The following PCDHGA9 variants were observed in gnomAD, a reference collection of about 807,000 sequenced individuals.
The protein encoded by PCDHGA9 is protocadherin gamma subfamily A, 9.
Under a neutral mutation model 62.5 loss-of-function variants are expected in PCDHGA9, and 37 were observed. The ratio of observed to expected loss-of-function variants is 0.59; its 90% CI spans 0.46 to 0.78. The LOEUF (loss-of-function observed/expected upper bound fraction) is 0.78, where lower values mean the gene tolerates loss of function less well. Among genes scored for constraint, PCDHGA9 ranks in the 30% least tolerant of loss-of-function variants. The pLI is 0.00. For synonymous variants in PCDHGA9, 459 were observed against 484.6 expected (o/e 0.95, Z 0.69); for missense variants, 1,138 against 1,166.2 (o/e 0.98, Z 0.35).
intron 1 of PCDHGA9, chr5:141,422,123 C>A: frequency 6.2e-7 from 1 of 1,601,290 alleles, no homozygotes; most frequent in South Asian, 1.1e-5. Context: ...GATTCACAAA[C>A]TGGAGAAGTT....
At position 141,486,254 on chromosome 5, in the gene PCDHGA9, G is replaced by A. The variant is rs2099626723; in HGVS notation, c.2425-8553G>A. ...GACCTCAGAGCTTGGAACCCTCCCCGAGAGTGCAGAACCTGGCACTGTGGT... is the reference window on the plus strand; with the variant it reads ...GACCTCAGAGCTTGGAACCCTCCCCAAGAGTGCAGAACCTGGCACTGTGGT... On this transcript the variant is annotated intron_variant, in intron 1 of 3. Transcript: ENST00000573521. This position sits in a 1 kb window ranked among gnomAD's most constrained non-coding sequence, Gnocchi z 5.0. The A allele has an allele frequency of 1.2e-6, 2 of 1,613,992 alleles. No individual in the cohort carries two copies. Among genetic ancestry groups the A allele is most frequent in the Non-Finnish European group, 1.7e-6 (2 of 1,179,982 alleles).
rs369791160 is a variant in PCDHGA9 at position 141,431,269 on chromosome 5, C to G, written c.2424+25893C>G. On this transcript the variant is annotated intron_variant, in intron 1 of 3. Transcript: ENST00000573521. This position sits in a 1 kb window ranked among gnomAD's most constrained non-coding sequence, Gnocchi z 4.8. ...TCGGGAAGAACTCTCTGCAGAGCTA[C>G]GAGCTCAGCCCGAACACTCACTTCT... 1.4e-5 allele frequency: 22 copies of G among 1,614,034 alleles called. No individual in the cohort carries two copies. The highest frequency in any genetic ancestry group is 2.7e-5 in the African/African-American group (2 of 74,954).
At chr5:141,453,464 C>A (rs186131587) in intron 1 of PCDHGA9, among the ~76,000 whole-genome samples, 16 of 152,090 alleles carry the variant, frequency 1.1e-4, no homozygotes, top group Non-Finnish European at 1.9e-4. Flanking sequence ...AAAACATTAA[C>A]ATAAAGTCAA....
chr5:141,501,945 T>C (rs1318749969), intron 2 of PCDHGA9, among the ~76,000 whole-genome samples: 1 of 152,106 alleles, frequency 6.6e-6, no homozygotes, highest in Non-Finnish European at 1.5e-5. Context: ...CACTGCTCCC[T>C]GTGACAGGTC....
intron 2 of PCDHGA9, among the ~76,000 whole-genome samples, chr5:141,498,956 AGAGG>A (rs1198207839): frequency 1.1e-4 from 14 of 124,162 alleles, no homozygotes; most frequent in East Asian, 2.7e-4. Context: ...AAAAAGAGAG[AGAGG>A]GAGGGAGGGA....
intron 1 of PCDHGA9, among the ~76,000 whole-genome samples, chr5:141,446,482 C>CT (rs112180482): frequency 6.3e-4 from 92 of 147,004 alleles, no homozygotes; most frequent in East Asian, 4.0e-3. Context: ...GGTCATCATT[C>CT]TTTTTTTTTT....
intron 1 of PCDHGA9, among the ~76,000 whole-genome samples, chr5:141,464,442 G>A (rs890758574): frequency 3.3e-5 from 5 of 151,500 alleles, no homozygotes; most frequent in African/African-American, 1.2e-4. Flanking sequence ...TATGTTTGTT[G>A]TTGTTGTTGT....
At chr5:141,410,668 T>C in intron 1 of PCDHGA9, 2 of 1,565,640 alleles carry the variant, frequency 1.3e-6, no homozygotes, top group African/African-American at 2.7e-5. Context: ...TCTACTAGTT[T>C]CTCATATTTT....
chr5:141,441,136 GA>G (rs1379465827), intron 1 of PCDHGA9: 2 of 152,304 alleles, frequency 1.3e-5, no homozygotes, highest in Middle Eastern at 3.4e-3. Flanking sequence ...CGAATTTCTA[GA>G]AGATAATGAC....
At chr5:141,502,191 A>G (rs2099813218) in intron 2 of PCDHGA9, among the ~76,000 whole-genome samples, 1 of 152,170 alleles carries the variant, frequency 6.6e-6, no homozygotes, top group Non-Finnish European at 1.5e-5. Flanking sequence ...TAATACAATA[A>G]TATAGAATCC....
chr5:141,491,901 G>C lies in PCDHGA9; in HGVS notation c.2425-2906G>C, dbSNP rs1196717010. 1 of 1,429,696 alleles carries C rather than the reference G, an allele frequency of 7.0e-7. No homozygotes were observed. The highest frequency in any genetic ancestry group is 9.3e-7 in the Non-Finnish European group (1 of 1,080,148). 88.6% of individuals were successfully genotyped at this position (1,429,696 alleles called of 1,614,324 possible). ...AAGGGATGGGGCTCCGAGCACCGGG[G>C]GTGGTGGCGACTGTGGGCGAGGGGA... On this transcript the variant is annotated intron_variant, in intron 1 of 3. Transcript: ENST00000573521. The surrounding 1 kb of genome is among the most constrained non-coding windows in gnomAD (Gnocchi z 6.9).
In PCDHGA9 at chr5:141,491,511, C is replaced by G. The variant is rs777448782; in HGVS notation, c.2425-3296C>G. 6.2e-7 allele frequency: 1 copy of G among 1,614,080 alleles called. No individual in the cohort carries two copies. The highest frequency in any genetic ancestry group is 8.5e-7 in the Non-Finnish European group (1 of 1,180,018). ...TGCAGGTGAGCTCGGACGGCACGCT[C>G]AAGTACATGGAGGTGACGCTGCGGC... On this transcript the variant is annotated intron_variant, in intron 1 of 3. Transcript: ENST00000573521. This position sits in a 1 kb window ranked among gnomAD's most constrained non-coding sequence, Gnocchi z 6.9.
chr5:141,409,914 G>T lies in PCDHGA9; in HGVS notation c.2424+4538G>T, dbSNP rs772848211. 58 of 1,613,230 alleles carry T rather than the reference G, an allele frequency of 3.6e-5. No homozygotes were observed. In the East Asian group the frequency reaches 1.2e-3, roughly 35 times the overall value. On this transcript the variant is annotated intron_variant, in intron 1 of 3. Transcript: ENST00000573521. ...CTGTACCCAGCTCTGGGTCCTGACGGCTCCGCGTTCTTCGATATGGTACCT... is the reference window on the plus strand; with the variant it reads ...CTGTACCCAGCTCTGGGTCCTGACGTCTCCGCGTTCTTCGATATGGTACCT...
chr5:141,432,172 CGTCTCTGTGACCGCCCACGACCCCGA>C lies in PCDHGA9; in HGVS notation c.2424+26797_2424+26822del. 6.2e-7 allele frequency: 1 copy of C among 1,614,152 alleles called. No individual in the cohort carries two copies. Among genetic ancestry groups the C allele is most frequent in the Non-Finnish European group, 8.5e-7 (1 of 1,180,038 alleles). ...AGAACAATCCCAGAGGAGTTTCCCT[CGTCTCTGTGACCGCCCACGACCCCGA>C]CTGTGAAGAGAACGCCCAGATCACT... On this transcript the variant is annotated intron_variant, in intron 1 of 3. Transcript: ENST00000573521. The surrounding 1 kb of genome is among the most constrained non-coding windows in gnomAD (Gnocchi z 6.0).
Position 141,420,249 on chromosome 5 carries a change from A to C in PCDHGA9, c.2424+14873A>C. 4 of 1,580,072 alleles carry C rather than the reference A, an allele frequency of 2.5e-6. No homozygotes were observed. In the Admixed American group the frequency reaches 7.3e-5, roughly 29 times the overall value. On this transcript the variant is annotated intron_variant, in intron 1 of 3. Transcript: ENST00000573521. The stretch of plus-strand genomic sequence containing the variant: ...GCTAGCATTTTAACTCCCAGCGTTG[A>C]AGCAGATAAGAAGATTCTTAAACAG...
chr5:141,441,364 CGT>C (rs1283671958), intron 1 of PCDHGA9: 1 of 152,528 alleles, frequency 6.6e-6, no homozygotes, highest in African/African-American at 2.4e-5. Context: ...CAAATGGGGC[CGT>C]GGACCAGGAA....
At chr5:141,433,612 G>A (rs1181458593) in intron 1 of PCDHGA9, among the ~76,000 whole-genome samples, 1 of 152,082 alleles carries the variant, frequency 6.6e-6, no homozygotes, top group Non-Finnish European at 1.5e-5. Context: ...GAGGCGGGTG[G>A]ATCACCTGAG....
chr5:141,405,016 C>T lies in PCDHGA9; in HGVS notation c.2064C>T (p.Asp688=). The T allele has an allele frequency of 6.2e-7, 1 of 1,614,006 alleles. No homozygotes were observed. The highest frequency in any genetic ancestry group is 8.5e-7 in the Non-Finnish European group (1 of 1,179,888). ...LQIPADLEAS[D]LTLYLVVAVA... is the part of the protein sequence containing the mutation. ...TCCCTGCAGACCTGGAGGCCTCAGA[C>T]CTTACCCTCTACCTCGTTGTGGCTG... The change falls in exon 1 of 4, where the codon GAC becomes GAT. Residue 688 remains aspartate, a synonymous_variant. Coordinates refer to ENST00000573521, the MANE Select transcript of PCDHGA9 (RefSeq NM_018921.3).
rs1041367498 is a variant in PCDHGA9 at position 141,489,060 on chromosome 5, T to G, written c.2425-5747T>G. ...CAGCTCCACTCAAATTCAGCTCCCCTCCCCCCTGCCCACCCCCGCCACTCG... is the reference window on the plus strand; with the variant it reads ...CAGCTCCACTCAAATTCAGCTCCCCGCCCCCCTGCCCACCCCCGCCACTCG... On this transcript the variant is annotated intron_variant, in intron 1 of 3. Transcript: ENST00000573521. This position sits in a 1 kb window ranked among gnomAD's most constrained non-coding sequence, Gnocchi z 4.5. The G allele has an allele frequency of 1.7e-5, 5 of 300,224 alleles. No individual in the cohort carries two copies. The highest frequency in any genetic ancestry group is 2.4e-5 in the African/African-American group (1 of 42,484). The allele number at this position is 300,224 out of a possible 1,614,324, so 18.6% of individuals were successfully genotyped here.
Sources: allele counts gnomAD v4.1 joint callset (sites outside exome capture counted in the v4.1 genomes callset), GRCh38; gene constraint gnomAD v4.1.1; non-coding constraint Gnocchi (gnomAD v3.1); transcripts MANE v1.5; gene names NCBI Gene and HGNC (gene_info 2026-07-23, HGNC 2026-07-21).